ATG13: variants seen among roughly 807,000 people sequenced by gnomAD.
ATG13 encodes autophagy-related protein 13.
In ATG13, 23 loss-of-function variants were observed where a neutral mutation model predicts 65.5. The observed-to-expected ratio is 0.35, with a 90% CI of 0.25 to 0.50. ATG13 has a LOEUF of 0.50. Ranked by LOEUF, ATG13 falls within the 20% of genes least tolerant of loss-of-function variation. The pLI, the probability that ATG13 is intolerant of heterozygous loss-of-function variation, is 0.98. For missense variants in ATG13, 566 were observed against 677.0 expected (o/e 0.84, Z 1.82); for synonymous variants, 252 against 245.2 (o/e 1.03, Z -0.26).
At chr11:46,626,959 A>G (rs2049888632) in intron 1 of ATG13, among the ~76,000 whole-genome samples, 1 of 152,190 alleles carries the variant, frequency 6.6e-6, no homozygotes, top group Admixed American at 6.6e-5. Context: ...AGTTTAAGAA[A>G]TAAGGTCGGG....
intron 1 of ATG13, among the ~76,000 whole-genome samples, chr11:46,620,738 G>T (rs866867928): frequency 6.6e-6 from 1 of 151,958 alleles, no homozygotes; most frequent in African/African-American, 2.4e-5. Context: ...TCATGCCATT[G>T]CATTCCAGCC....
chr11:46,665,038 G>A (rs1040693975), intron 13 of ATG13, 79 bp downstream of exon 13: 7 of 1,358,066 alleles, frequency 5.2e-6, no homozygotes, highest in Non-Finnish European at 7.3e-6. Flanking sequence ...GTCTCTCAAG[G>A]CAGAGGGATA....
chr11:46,629,256 T>G (rs1159062584), intron 1 of ATG13, among the ~76,000 whole-genome samples: 3 of 152,078 alleles, frequency 2.0e-5, no homozygotes, highest in African/African-American at 7.2e-5. Flanking sequence ...ACTGATCTGT[T>G]TTCTGTCACA....
chr11:46,672,237 CCT>C lies in ATG13; in HGVS notation c.1576-13_1576-12del. The C allele has an allele frequency of 6.2e-7, 1 of 1,614,054 alleles. No individual in the cohort carries two copies. The highest frequency in any genetic ancestry group is 1.1e-5 in the South Asian group (1 of 91,078). On this transcript the variant is annotated splice_polypyrimidine_tract_variant and intron_variant, in intron 18 of 18. Transcript: ENST00000683050. ...GCCCTGCCTGAATAAACGGCTCTTC[CCT>C]CTCTTTCCGGTACAGGACTCATTAC...
intron 11 of ATG13, among the ~76,000 whole-genome samples, chr11:46,660,249 A>G (rs2060862296): frequency 6.6e-6 from 1 of 152,048 alleles, no homozygotes; most frequent in Non-Finnish European, 1.5e-5. Context: ...TGACTTTCAC[A>G]TTAGATGGTT....
intron 6 of ATG13, 85 bp from the exon 7 acceptor site, chr11:46,650,092 C>T: frequency 6.9e-7 from 1 of 1,446,948 alleles, no homozygotes; most frequent in Non-Finnish European, 9.4e-7. Context: ...TCTGGTTAGT[C>T]AGAACATGTC....
At chr11:46,668,348 G>A (rs932557334) in intron 15 of ATG13, 151 bp from the exon 16 acceptor site, 3 of 723,648 alleles carry the variant, frequency 4.1e-6, no homozygotes, top group Non-Finnish European at 7.0e-6. Flanking sequence ...AGCGAGCTTG[G>A]AGAGCCTCTA....
chr11:46,670,286 G>T (rs1422099120), intron 18 of ATG13, among the ~76,000 whole-genome samples: 1 of 151,966 alleles, frequency 6.6e-6, no homozygotes, highest in Non-Finnish European at 1.5e-5. Context: ...TTCGAGACCA[G>T]CCTGGCCAAC....
At chr11:46,636,074 C>T (rs2053842831) in intron 2 of ATG13, among the ~76,000 whole-genome samples, 2 of 152,022 alleles carry the variant, frequency 1.3e-5, no homozygotes, top group South Asian at 4.2e-4. Flanking sequence ...TCAAATGCAG[C>T]CAGATCTACA....
intron 2 of ATG13, among the ~76,000 whole-genome samples, chr11:46,631,198 G>A (rs2135924810): frequency 6.6e-6 from 1 of 152,246 alleles, no homozygotes; most frequent in Non-Finnish European, 1.5e-5. Flanking sequence ...GTATGTAAGT[G>A]TAAATTAATG....
intron 10 of ATG13, among the ~76,000 whole-genome samples, chr11:46,658,506 G>A (rs1380322843): frequency 6.6e-6 from 1 of 152,042 alleles, no homozygotes; most frequent in Non-Finnish European, 1.5e-5. Flanking sequence ...GATCAGCCCA[G>A]GCAATGTGGT....
At chr11:46,638,537 C>T (rs1022544722) in intron 2 of ATG13, 3 of 152,158 alleles carry the variant, frequency 2.0e-5, no homozygotes, top group African/African-American at 7.2e-5. Flanking sequence ...ACTTATTCCT[C>T]CTATCTAACT....
In ATG13 at chr11:46,669,468, A is replaced by G; in HGVS notation, c.1511A>G (p.Gln504Arg). Residue 504 changes from glutamine to arginine, a missense_variant, in exon 18 of 19, where the codon CAG becomes CGG. By Grantham distance (43) the Gln-to-Arg change is conservative. Around this residue, in one of 2 missense-constraint regions of ATG13, gnomAD observed 387 missense variants for 409.8 expected, o/e 0.94. Transcript: ENST00000683050. ...CTGGGGACCTTCTATCGGGAGTTTC[A>G]GAACCCACCTCAGCTGAGCAGCCTC... ...MDLGTFYREF[Q>R]NPPQLSSLSI... is the part of the protein sequence containing the mutation. The G allele has an allele frequency of 1.9e-6, 3 of 1,614,146 alleles. No individual in the cohort carries two copies. Among genetic ancestry groups the G allele is most frequent in the Non-Finnish European group, 2.5e-6 (3 of 1,180,000 alleles).
chr11:46,634,867 A>G (rs995216069), intron 2 of ATG13, among the ~76,000 whole-genome samples: 1 of 151,344 alleles, frequency 6.6e-6, no homozygotes, highest in African/African-American at 2.4e-5. Context: ...ACACCCAGCT[A>G]ATTTTTTGTA....
chr11:46,668,676 C>T, intron 16 of ATG13, 100 bp downstream of exon 16: 5 of 1,498,896 alleles, frequency 3.3e-6, no homozygotes, highest in Non-Finnish European at 4.6e-6. Flanking sequence ...TAAACCATGG[C>T]CCCTCGGCTT....
chr11:46,628,351 C>T (rs924494237), intron 1 of ATG13, among the ~76,000 whole-genome samples: 17 of 151,956 alleles, frequency 1.1e-4, no homozygotes, highest in Non-Finnish European at 2.2e-4. Flanking sequence ...GCAGTGAGAT[C>T]GTGCCACTGC....
At chr11:46,666,242 G>A (rs1168627519) in intron 14 of ATG13, among the ~76,000 whole-genome samples, 3 of 152,140 alleles carry the variant, frequency 2.0e-5, no homozygotes, top group Non-Finnish European at 4.4e-5. Flanking sequence ...GCAGGAGCTC[G>A]GTTCTTGTCA....
intron 5 of ATG13, among the ~76,000 whole-genome samples, chr11:46,646,263 C>A (rs1158453550): frequency 6.6e-6 from 1 of 151,594 alleles, no homozygotes; most frequent in East Asian, 1.9e-4. Context: ...ATTCTCCTGC[C>A]TCAGCCTCCT....
chr11:46,640,846 G>A (rs577288890), intron 2 of ATG13, among the ~76,000 whole-genome samples: 1 of 152,308 alleles, frequency 6.6e-6, no homozygotes, highest in African/African-American at 2.4e-5. Context: ...TAGATTTATA[G>A]CAACTGGAGC....
Sources: allele counts gnomAD v4.1 joint callset (sites outside exome capture counted in the v4.1 genomes callset), GRCh38; gene constraint gnomAD v4.1.1; regional missense constraint gnomAD v4.1.1; transcripts MANE v1.5; gene names NCBI Gene and HGNC (gene_info 2026-07-23, HGNC 2026-07-21).